Variants in TTLL5 observed in about 807,000 individuals in gnomAD.
TTLL5 encodes tubulin tyrosine ligase like 5, also known as tubulin polyglutamylase TTLL5.
Under a neutral mutation model 168.4 loss-of-function variants are expected in TTLL5, and 132 were observed. The observed-to-expected ratio is 0.78, with a 90% CI of 0.68 to 0.91. The LOEUF (loss-of-function observed/expected upper bound fraction) is 0.91. TTLL5 is among the 40% of genes least tolerant of loss of function. The probability of loss-of-function intolerance (pLI) is 0.00; values close to 1 mark genes in which losing one functional copy is unlikely to be tolerated. For missense variants in TTLL5, 1,545 were observed against 1,581.5 expected (o/e 0.98, Z 0.39); for synonymous variants, 546 against 558.6 (o/e 0.98, Z 0.32).
At chr14:75,769,701 G>A (rs140349501) in intron 20 of TTLL5, among the ~76,000 whole-genome samples, 33 of 152,294 alleles carry the variant, frequency 2.2e-4, no homozygotes, top group African/African-American at 7.5e-4. Flanking sequence ...TCTGAAACAT[G>A]CTATTTCTTG....
chr14:75,748,057 G>A (rs532585445), intron 17 of TTLL5, among the ~76,000 whole-genome samples: 1 of 152,274 alleles, frequency 6.6e-6, no homozygotes, highest in South Asian at 2.1e-4. Flanking sequence ...TCTGGAAATT[G>A]CCTTTAGGCA....
chr14:75,934,110 A>G (rs1027112387), intron 31 of TTLL5, among the ~76,000 whole-genome samples: 7 of 152,256 alleles, frequency 4.6e-5, no homozygotes, highest in Non-Finnish European at 1.0e-4. Flanking sequence ...CCAGAAAGCC[A>G]TGAGAGCCTG....
intron 9 of TTLL5, 37 bp from the exon 10 acceptor site, chr14:75,717,822 ACT>A (rs1887573844): frequency 6.3e-7 from 1 of 1,588,994 alleles, no homozygotes; most frequent in African/African-American, 1.3e-5. Flanking sequence ...TTTCCTTGAA[ACT>A]CTGTTCCTGG....
At chr14:75,923,663 G>A (rs1049244463) in intron 31 of TTLL5, among the ~76,000 whole-genome samples, 1 of 152,186 alleles carries the variant, frequency 6.6e-6, no homozygotes, top group Non-Finnish European at 1.5e-5. Context: ...GTGTGATGTG[G>A]TGCTAAGAAG....
intron 17 of TTLL5, among the ~76,000 whole-genome samples, chr14:75,746,213 C>G (rs1236844614): frequency 6.6e-6 from 1 of 152,166 alleles, no homozygotes; most frequent in African/African-American, 2.4e-5. Context: ...TAGTGTTTTT[C>G]ATATTCATAT....
At chr14:75,852,482 A>G (rs1896912396) in intron 28 of TTLL5, among the ~76,000 whole-genome samples, 1 of 152,134 alleles carries the variant, frequency 6.6e-6, no homozygotes, top group Non-Finnish European at 1.5e-5. Flanking sequence ...CTTTTGACCT[A>G]GCATCAAAAG....
chr14:75,745,460 G>A (rs777075836), intron 16 of TTLL5, 30 bp from the exon 17 acceptor site: 1 of 1,607,348 alleles, frequency 6.2e-7, no homozygotes, highest in Non-Finnish European at 8.5e-7. Flanking sequence ...TTTCAAAATA[G>A]GTACTCATTT....
At chr14:75,897,968 C>T (rs1165468413) in intron 30 of TTLL5, among the ~76,000 whole-genome samples, 3 of 152,216 alleles carry the variant, frequency 2.0e-5, no homozygotes, top group Non-Finnish European at 2.9e-5. Flanking sequence ...TCACTCTTCT[C>T]ATGTTTGAAC....
chr14:75,952,632 A>G (rs957526257), intron 31 of TTLL5, among the ~76,000 whole-genome samples: 1 of 152,256 alleles, frequency 6.6e-6, no homozygotes, highest in Non-Finnish European at 1.5e-5. Flanking sequence ...TGATGAATGG[A>G]TAAATGAAAT....
intron 15 of TTLL5, among the ~76,000 whole-genome samples, chr14:75,742,051 A>T (rs554017140): frequency 3.5e-4 from 53 of 152,314 alleles, no homozygotes; most frequent in African/African-American, 1.3e-3. Context: ...TTCAATAGTG[A>T]TTTGACCCCT....
chr14:75,943,700 A>T (rs2034682695), intron 31 of TTLL5, among the ~76,000 whole-genome samples: 1 of 152,244 alleles, frequency 6.6e-6, no homozygotes, highest in Non-Finnish European at 1.5e-5. Context: ...ATAAAGAAAC[A>T]TGGCACCATG....
chr14:75,939,218 C>G (rs181375350), intron 31 of TTLL5, among the ~76,000 whole-genome samples: 10 of 152,200 alleles, frequency 6.6e-5, no homozygotes, highest in Admixed American at 4.6e-4. Context: ...AGAAGAATAC[C>G]AGGGTCTATC....
chr14:75,950,160 G>A (rs910861117), intron 31 of TTLL5, among the ~76,000 whole-genome samples: 6 of 152,250 alleles, frequency 3.9e-5, no homozygotes, highest in Admixed American at 2.0e-4. Flanking sequence ...GACACATTGC[G>A]GTTAGAAGAG....
chr14:75,870,753 A>T (rs1400558092), intron 29 of TTLL5, among the ~76,000 whole-genome samples: 1 of 151,464 alleles, frequency 6.6e-6, no homozygotes, highest in East Asian at 1.9e-4. Context: ...AAATGTGACT[A>T]CCACAGATGA....
Position 75,766,431 on chromosome 14 carries a change from CT to C in TTLL5, c.2015+64del, listed in dbSNP as rs1890972019. On this transcript the variant is annotated intron_variant, in intron 20 of 31. Transcript: ENST00000298832. ...ACAGCTAACTTGTACTGTGTACCAG[CT>C]ACTATTTTAGTGGTTTTACAGTCAT... The C allele has an allele frequency of 3.0e-5, 43 of 1,412,860 alleles. 1 individual carries two copies. The South Asian group carries it at 5.5e-4, about 18-fold the overall frequency. The allele number at this position is 1,412,860 out of a possible 1,614,324, so 87.5% of individuals were successfully genotyped here. A position where few individuals can be genotyped will look rare whatever the true frequency, so the allele number is the denominator to read the frequency against.
chr14:75,847,526 TTAA>T (rs1896612413), intron 28 of TTLL5: 1 of 152,072 alleles, frequency 6.6e-6, no homozygotes, highest in Non-Finnish European at 1.5e-5. Context: ...CATTTAATAA[TTAA>T]TGTTTACTAT....
At chr14:75,874,873 A>G (rs1184990269) in intron 29 of TTLL5, among the ~76,000 whole-genome samples, 1 of 149,120 alleles carries the variant, frequency 6.7e-6, no homozygotes, top group Admixed American at 6.7e-5. Context: ...AAATGGAACT[A>G]TAAGATTTTG....
rs1375194323 is a variant in TTLL5, at chr14:75,914,031, A to ATATATATATATATATATAT, written c.3823+11807_3823+11808insTATATATATATATATATAT. Among the ~76,000 whole-genome samples, 6 of 77,292 alleles carry ATATATATATATATATATAT rather than the reference A, an allele frequency of 7.8e-5. No individual in the cohort carries two copies. In the African/African-American group the frequency reaches 1.0e-3, roughly 13 times the overall value. The allele number at this position is 77,292 out of a possible 152,430, so 50.7% of individuals were successfully genotyped here. A position where few individuals can be genotyped will look rare whatever the true frequency, so the allele number is the denominator to read the frequency against. ...CTGTTTAAAAGGAAAAAAAAAAAAA[A>ATATATATATATATATATAT]AAATATATATATATATATATATATT... On this transcript the variant is annotated intron_variant, in intron 31 of 31. Coordinates refer to ENST00000298832, the MANE Select transcript of TTLL5 (RefSeq NM_015072.5).
intron 20 of TTLL5, among the ~76,000 whole-genome samples, chr14:75,766,932 G>A (rs979868065): frequency 1.3e-5 from 2 of 152,146 alleles, no homozygotes; most frequent in African/African-American, 4.8e-5. Flanking sequence ...GGGAGGCCGA[G>A]GTGGTCGGAT....
Sources: gnomAD v4.1 joint callset for allele counts (sites outside exome capture counted in the v4.1 genomes callset) on GRCh38, gnomAD v4.1.1 for gene constraint, MANE v1.5 for transcripts, NCBI Gene and HGNC (gene_info 2026-07-23, HGNC 2026-07-21) for gene names.